AXIN1: variants seen among roughly 807,000 people sequenced by gnomAD.
The protein encoded by AXIN1 is axin-1.
Under a neutral mutation model 76.4 loss-of-function variants are expected in AXIN1, and 30 were observed. That is an observed-to-expected ratio of 0.39 (90% CI 0.29 to 0.53). The LOEUF is 0.53. Among genes scored for constraint, AXIN1 ranks in the 20% least tolerant of loss-of-function variants. The pLI, the probability that AXIN1 is intolerant of heterozygous loss-of-function variation, is 0.66. For synonymous variants in AXIN1, 545 were observed against 501.4 expected (o/e 1.09, Z -1.16); for missense variants, 1,140 against 1,198.8 (o/e 0.95, Z 0.72).
At chr16:302,502 C>T (rs2052899609) in intron 5 of AXIN1, among the ~76,000 whole-genome samples, 1 of 152,248 alleles carries the variant, frequency 6.6e-6, no homozygotes, top group African/African-American at 2.4e-5. Context: ...ACACCTGGTC[C>T]CCGCCATGAA....
intron 2 of AXIN1, among the ~76,000 whole-genome samples, chr16:329,613 T>C (rs2053652427): frequency 6.6e-6 from 1 of 151,116 alleles, no homozygotes; most frequent in Non-Finnish European, 1.5e-5. Context: ...GCCCGGCTAA[T>C]TTTTGTTTTT....
In AXIN1 at chr16:318,658, C is replaced by T. The variant is rs144605414; in HGVS notation, c.879-3975G>A. The stretch of plus-strand genomic sequence containing the variant: ...CAGTGGCGGGAGGGGCATGTGCTCG[C>T]GTGCCTGCCTGTGCGTGCGCCTATG... On this transcript the variant is annotated intron_variant, in intron 2 of 10. Transcript: ENST00000262320. Among the ~76,000 whole-genome samples, 15 of 152,342 alleles carry T rather than the reference C, an allele frequency of 9.8e-5. No individual in the cohort carries two copies. The East Asian group carries it at 1.7e-3, about 18-fold the overall frequency.
Position 288,261 on chromosome 16 carries a change from G to A in AXIN1, c.2463-13C>T, listed in dbSNP as rs771766519. 4.3e-6 allele frequency: 7 copies of A among 1,613,454 alleles called. No individual in the cohort carries two copies. The highest frequency in any genetic ancestry group is 5.9e-6 in the Non-Finnish European group (7 of 1,180,002). Reference sequence around the variant, plus strand: ...CTTGAAGTAGTATCTGCAGGACGGAGGTGAGGAGGGCAGTGAGCAGGCAGC... The same window carrying A: ...CTTGAAGTAGTATCTGCAGGACGGAAGTGAGGAGGGCAGTGAGCAGGCAGC... On this transcript the variant is annotated splice_polypyrimidine_tract_variant and intron_variant, in intron 10 of 10. Transcript: ENST00000262320.
chr16:291,249 C>T lies in AXIN1; in HGVS notation c.2235G>A (p.Ala745=), dbSNP rs771565657. The change falls in exon 9 of 11, where the codon GCG becomes GCA. Residue 745 remains alanine (A), a synonymous_variant. Coordinates refer to ENST00000262320, the MANE Select transcript of AXIN1 (RefSeq NM_003502.4). The part of the protein sequence containing the change: ...MRRGRACVRP[A]CAPVLHVVPA... ...GTACCACGTGCAGCACCGGCGCGCACGCTGGCCTGACGCAGGCGCGTCCCC... is the reference window on the plus strand; with the variant it reads ...GTACCACGTGCAGCACCGGCGCGCATGCTGGCCTGACGCAGGCGCGTCCCC... 5.7e-5 allele frequency: 90 copies of T among 1,586,238 alleles called. 1 individual carries two copies. The highest frequency in any genetic ancestry group is 2.4e-4 in the Admixed American group (13 of 54,974).
chr16:344,716 C>T (rs1264761986), intron 2 of AXIN1, among the ~76,000 whole-genome samples: 3 of 152,040 alleles, frequency 2.0e-5, no homozygotes, highest in African/African-American at 4.8e-5. Context: ...CTCGAACTCC[C>T]GACCTCAGGT....
In AXIN1 at chr16:299,330, G is replaced by T. The variant is rs1019215765; in HGVS notation, c.1255-1079C>A. On this transcript the variant is annotated intron_variant, in intron 5 of 10. Coordinates refer to ENST00000262320, the MANE Select transcript of AXIN1 (RefSeq NM_003502.4). The stretch of plus-strand genomic sequence containing the variant: ...TGGTGTCAATACAAAAGAAAGAGAG[G>T]GAACTAAGTTACCATGTATCTATGT... The T allele has an allele frequency of 1.9e-5, 14 of 756,448 alleles. No individual in the cohort carries two copies. In the African/African-American group the frequency reaches 2.7e-4, roughly 15 times the overall value. 46.9% of individuals were successfully genotyped at this position (756,448 alleles called of 1,614,324 possible).
At chr16:292,994 C>T (rs1299165803) in intron 8 of AXIN1, 2 of 170,892 alleles carry the variant, frequency 1.2e-5, no homozygotes, top group Admixed American at 5.5e-5. Flanking sequence ...GGGCTGTGGG[C>T]TGGACGTCCA....
rs2052618648 is a variant in AXIN1, at chr16:293,268, T to A, written c.2186+220A>T. The A allele has an allele frequency of 1.7e-6, 1 of 602,274 alleles. No individual in the cohort carries two copies. Among genetic ancestry groups the A allele is most frequent in the Admixed American group, 2.9e-5 (1 of 34,024 alleles). The allele number at this position is 602,274 out of a possible 1,614,324, so 37.3% of individuals were successfully genotyped here. On this transcript the variant is annotated intron_variant, in intron 8 of 10. Coordinates refer to ENST00000262320, the MANE Select transcript of AXIN1 (RefSeq NM_003502.4). This position sits in a 1 kb window ranked among gnomAD's most constrained non-coding sequence, Gnocchi z 4.6. ...CTCCAGAGCAATGAGCGCGGCGGCC[T>A]CGGGTGTGTGAAAGCTCCAGCCCCA...
Position 288,076 on chromosome 16 carries a change from G to T in AXIN1, c.*46C>A. The T allele has an allele frequency of 6.2e-7, 1 of 1,612,130 alleles. No homozygotes were observed. Among genetic ancestry groups the T allele is most frequent in the Non-Finnish European group, 8.5e-7 (1 of 1,179,936 alleles). ...TCATCTGCCTGGCCGTGACACCCGT[G>T]CCCGCCAAGGGCCTCGCCTGGCACA... On this transcript the variant is annotated 3_prime_UTR_variant, in exon 11 of 11. Transcript: ENST00000262320.
rs760137026 is a variant in AXIN1 at position 310,087 on chromosome 16, G to A, written c.1020-18C>T. 2 of 1,596,660 alleles carry A rather than the reference G, an allele frequency of 1.3e-6. No homozygotes were observed. Among genetic ancestry groups the A allele is most frequent in the Non-Finnish European group, 1.7e-6 (2 of 1,172,180 alleles). On this transcript the variant is annotated intron_variant, in intron 3 of 10. Coordinates refer to ENST00000262320, the MANE Select transcript of AXIN1 (RefSeq NM_003502.4). ...TCCCATCCCTGTCCAGGAGAAAGAG[G>A]CAGCCGTTAACTCAGAGAGGAGCAG...
intron 2 of AXIN1, among the ~76,000 whole-genome samples, chr16:325,216 T>C (rs2053555215): frequency 6.6e-6 from 1 of 152,216 alleles, no homozygotes; most frequent in Middle Eastern, 3.4e-3. Context: ...CTGGGGAGGC[T>C]TCCCTTGGGG....
chr16:314,914 G>A (rs998759489), intron 2 of AXIN1, among the ~76,000 whole-genome samples: 5 of 152,224 alleles, frequency 3.3e-5, no homozygotes, highest in African/African-American at 9.6e-5. Flanking sequence ...TCTCTCCTCT[G>A]ATTTTAGGCG....
intron 2 of AXIN1, among the ~76,000 whole-genome samples, chr16:341,666 A>G (rs893688634): frequency 7.1e-4 from 107 of 150,206 alleles, no homozygotes; most frequent in African/African-American, 2.4e-3. Flanking sequence ...TCCACCTGCA[A>G]CCCCGGTGCG....
intron 2 of AXIN1, among the ~76,000 whole-genome samples, chr16:324,858 G>A (rs1216889727): frequency 1.3e-5 from 2 of 152,154 alleles, no homozygotes; most frequent in African/African-American, 2.4e-5. Flanking sequence ...CCCGAGTCCC[G>A]CGCAGGGAAA....
At chr16:351,022 T>C (rs777927085) in intron 1 of AXIN1, among the ~76,000 whole-genome samples, 1 of 151,808 alleles carries the variant, frequency 6.6e-6, no homozygotes, top group Admixed American at 6.6e-5. Context: ...TCCCAGCTAC[T>C]TGGGAAGGCT....
intron 2 of AXIN1, among the ~76,000 whole-genome samples, chr16:324,948 G>A (rs1282196177): frequency 6.6e-6 from 1 of 152,224 alleles, no homozygotes; most frequent in Non-Finnish European, 1.5e-5. Flanking sequence ...ATGAACAAAG[G>A]CAAGGAAACG....
At chr16:341,981 C>T (rs1468048710) in intron 2 of AXIN1, among the ~76,000 whole-genome samples, 1 of 152,158 alleles carries the variant, frequency 6.6e-6, no homozygotes, top group Admixed American at 6.5e-5. Flanking sequence ...CACCAATCAG[C>T]GCCCTGTCAA....
chr16:303,956 A>G (rs2052944950), intron 5 of AXIN1, among the ~76,000 whole-genome samples: 2 of 152,168 alleles, frequency 1.3e-5, no homozygotes, highest in African/African-American at 4.8e-5. Flanking sequence ...TGCCAGCCAC[A>G]CGGGGTGAAG....
At chr16:297,557 C>T (rs966088248) in intron 6 of AXIN1, among the ~76,000 whole-genome samples, 165 bp downstream of exon 6, 1 of 152,186 alleles carries the variant, frequency 6.6e-6, no homozygotes, top group East Asian at 1.9e-4. Flanking sequence ...GAGGTCACGG[C>T]GTGGACTCCC....
Sources: gnomAD v4.1 joint callset for allele counts (sites outside exome capture counted in the v4.1 genomes callset) on GRCh38, gnomAD v4.1.1 for gene constraint, Gnocchi (gnomAD v3.1) non-coding constraint, MANE v1.5 for transcripts, NCBI Gene and HGNC (gene_info 2026-07-23, HGNC 2026-07-21) for gene names.